UNC13C: variants seen among roughly 807,000 people sequenced by gnomAD.
UNC13C encodes the protein unc-13 homolog C, also known as protein unc-13 homolog C.
UNC13C carries 174 observed loss-of-function variants against 245.4 expected under a neutral mutation model. The ratio of observed to expected loss-of-function variants is 0.71; its 90% CI spans 0.63 to 0.80. The LOEUF (loss-of-function observed/expected upper bound fraction) is 0.80. UNC13C is among the 30% of genes least tolerant of loss of function. UNC13C has a pLI of 0.00. For missense variants in UNC13C, 2,829 were observed against 2,602.9 expected (o/e 1.09, Z -1.89); for synonymous variants, 992 against 895.1 (o/e 1.11, Z -1.93).
chr15:54,316,417 A>G (rs1292976044), intron 13 of UNC13C, among the ~76,000 whole-genome samples: 1 of 151,800 alleles, frequency 6.6e-6, no homozygotes, highest in African/African-American at 2.4e-5. Context: ...ACGCTTGGCT[A>G]TCTCTTAGTC....
chr15:54,000,979 C>G (rs193202038), intron 1 of UNC13C, among the ~76,000 whole-genome samples: 1 of 152,072 alleles, frequency 6.6e-6, no homozygotes, highest in Non-Finnish European at 1.5e-5. Flanking sequence ...TTAGTTTGAA[C>G]CTTACTCTTT....
At chr15:54,360,965 C>CA (rs2039216726) in intron 17 of UNC13C, among the ~76,000 whole-genome samples, 2 of 152,064 alleles carry the variant, frequency 1.3e-5, no homozygotes, top group East Asian at 3.8e-4. Flanking sequence ...ATTTGGTTGG[C>CA]AATCTCTGTG....
Position 54,294,013 on chromosome 15 carries a change from A to T in UNC13C, c.3937A>T (p.Ile1313Phe). 2 of 1,594,988 alleles carry T rather than the reference A, an allele frequency of 1.3e-6. No homozygotes were observed. Among genetic ancestry groups the T allele is most frequent in the Non-Finnish European group, 1.7e-6 (2 of 1,171,872 alleles). Residue 1313 changes from isoleucine (I) to phenylalanine (F), a missense_variant, in exon 11 of 33, where the codon ATT (isoleucine) becomes TTT (phenylalanine). Physicochemically the swap from Ile to Phe is conservative, Grantham distance 21. Transcript: ENST00000260323. Reference sequence around the variant, plus strand: ...GTCAGATGATTTTCTGGGACAAACAATTGTAGAAGTGAGGACCTTGAGTGG... The same window carrying T: ...GTCAGATGATTTTCTGGGACAAACATTTGTAGAAGTGAGGACCTTGAGTGG... ...KESDDFLGQT[I>F]VEVRTLSGEM...
intron 19 of UNC13C, among the ~76,000 whole-genome samples, chr15:54,464,286 T>C (rs192792915): frequency 6.6e-6 from 1 of 152,314 alleles, no homozygotes; most frequent in Admixed American, 6.5e-5. Context: ...TCATGAACTT[T>C]GTCAGTTTTT....
Position 54,015,027 on chromosome 15 carries a change from C to T in UNC13C, c.2124C>T (p.Asp708=). The T allele has an allele frequency of 1.2e-6, 2 of 1,613,332 alleles. No individual in the cohort carries two copies. The highest frequency in any genetic ancestry group is 8.5e-7 in the Non-Finnish European group (1 of 1,179,674). ...AGTGCCACAGTGATCTTCAAGATGA[C>T]TCAGAGAGCTACGACTTAACTCAAG... ...LGKCHSDLQD[D]SESYDLTQDD... is the part of the protein sequence containing the mutation. Residue 708 remains aspartate, a synonymous_variant, in exon 2 of 33, where the codon GAC becomes GAT. Coordinates refer to ENST00000260323, the MANE Select transcript of UNC13C (RefSeq NM_001080534.3).
At chr15:54,316,792 A>G (rs1252834603) in intron 13 of UNC13C, among the ~76,000 whole-genome samples, 3 of 151,934 alleles carry the variant, frequency 2.0e-5, no homozygotes, top group East Asian at 1.9e-4. Flanking sequence ...ATGGGATTCA[A>G]TTCGGCCTTT....
At chr15:53,861,537 G>A in the UNC13C span, among the ~76,000 whole-genome samples, 1 of 152,080 alleles carries the variant, frequency 6.6e-6, no homozygotes, top group Non-Finnish European at 1.5e-5. Flanking sequence ...AGCAGTATAT[G>A]GTGCTTGTCA....
chr15:54,242,289 G>A (rs2140846500), intron 7 of UNC13C, among the ~76,000 whole-genome samples: 1 of 152,234 alleles, frequency 6.6e-6, no homozygotes, highest in East Asian at 1.9e-4. Flanking sequence ...CTTATTTTGA[G>A]AGTAATTTTT....
chr15:54,592,372 T>G (rs1898838019), intron 30 of UNC13C, among the ~76,000 whole-genome samples: 1 of 152,218 alleles, frequency 6.6e-6, no homozygotes, highest in South Asian at 2.1e-4. Context: ...CTTGATGACC[T>G]GTCTAGTGCT....
Position 54,532,936 on chromosome 15 carries a change from G to A in UNC13C, c.5566G>A (p.Glu1856Lys). The A allele has an allele frequency of 1.9e-6, 3 of 1,559,930 alleles. No individual in the cohort carries two copies. Among genetic ancestry groups the A allele is most frequent in the Non-Finnish European group, 2.6e-6 (3 of 1,145,320 alleles). The change falls in exon 26 of 33, where the codon GAG becomes AAG. Residue 1856 changes from glutamate to lysine, a missense_variant. By Grantham distance (56) the Glu-to-Lys change is moderately conservative. Coordinates refer to ENST00000260323, the MANE Select transcript of UNC13C (RefSeq NM_001080534.3). ...YGESFQVIIE[E>K]CIKQMSFELN... ...TTTTAGTTTCCAGGTTATAATTGAAGAGTGTATAAAACAGATGAGTTTCGA... is the reference window on the plus strand; with the variant it reads ...TTTTAGTTTCCAGGTTATAATTGAAAAGTGTATAAAACAGATGAGTTTCGA...
intron 2 of UNC13C, among the ~76,000 whole-genome samples, chr15:54,056,138 G>A (rs1397292623): frequency 1.3e-5 from 2 of 152,106 alleles, no homozygotes; most frequent in Non-Finnish European, 2.9e-5. Context: ...GAGAGAGGAA[G>A]GCTTCAGAAG....
intron 17 of UNC13C, among the ~76,000 whole-genome samples, chr15:54,344,700 A>G (rs956021916): frequency 7.2e-5 from 11 of 152,170 alleles, no homozygotes; most frequent in African/African-American, 2.7e-4. Flanking sequence ...CCATGCTCCT[A>G]AGAGCTCAAG....
At chr15:54,617,101 C>T (rs1017584430) in intron 30 of UNC13C, among the ~76,000 whole-genome samples, 10 of 152,006 alleles carry the variant, frequency 6.6e-5, no homozygotes. Flanking sequence ...TGATGATGTT[C>T]GCACAATGAA....
Position 54,019,690 on chromosome 15 carries a change from G to A in UNC13C, c.2983+3804G>A, listed in dbSNP as rs531679378. Among the ~76,000 whole-genome samples, 11 of 152,222 alleles carry A rather than the reference G, an allele frequency of 7.2e-5. No individual in the cohort carries two copies. In the South Asian group the frequency reaches 2.3e-3, roughly 32 times the overall value. Reference sequence around the variant, plus strand: ...AGTTTTTACATCATGTATATATTCTGTTTTCTGAATGGTTATAAAACTGTC... The same window carrying A: ...AGTTTTTACATCATGTATATATTCTATTTTCTGAATGGTTATAAAACTGTC... On this transcript the variant is annotated intron_variant, in intron 2 of 32. Transcript: ENST00000260323.
chr15:54,521,190 G>A (rs761680997), intron 24 of UNC13C, among the ~76,000 whole-genome samples: 1 of 152,134 alleles, frequency 6.6e-6, no homozygotes, highest in Admixed American at 6.6e-5. Flanking sequence ...CAAAAATATT[G>A]GAGAGTATGA....
chr15:54,038,124 A>ATTTT (rs58063301), intron 2 of UNC13C, among the ~76,000 whole-genome samples: 10 of 45,016 alleles, frequency 2.2e-4, no homozygotes, highest in South Asian at 1.2e-3. Context: ...ATATATATAT[A>ATTTT]TTTTTTTTTT....
intron 30 of UNC13C, among the ~76,000 whole-genome samples, chr15:54,591,130 C>A (rs181106201): frequency 6.6e-6 from 1 of 152,218 alleles, no homozygotes; most frequent in East Asian, 1.9e-4. Context: ...CCCTGCATCC[C>A]TGGTATGAAA....
At chr15:54,035,025 T>C (rs151076092) in intron 2 of UNC13C, among the ~76,000 whole-genome samples, 143 of 152,326 alleles carry the variant, frequency 9.4e-4, no homozygotes, top group African/African-American at 3.4e-3. Flanking sequence ...CTTCCAAGGA[T>C]GATTTGGCAA....
chr15:54,461,370 A>G (rs1003683282), intron 19 of UNC13C, among the ~76,000 whole-genome samples: 1 of 152,164 alleles, frequency 6.6e-6, no homozygotes, highest in African/African-American at 2.4e-5. Context: ...TCAAAATCCA[A>G]AACACTACTG....
Sources: gnomAD v4.1 joint callset for allele counts (sites outside exome capture counted in the v4.1 genomes callset) on GRCh38, gnomAD v4.1.1 for gene constraint, MANE v1.5 for transcripts, NCBI Gene and HGNC (gene_info 2026-07-23, HGNC 2026-07-21) for gene names.